The following IL1RAPL2 variants were observed in gnomAD, a reference collection of about 807,000 sequenced individuals.
The protein encoded by IL1RAPL2 is interleukin 1 receptor accessory protein like 2.
Under a neutral mutation model 44.1 loss-of-function variants are expected in IL1RAPL2, and 3 were observed. The ratio of observed to expected loss-of-function variants is 0.07; its 90% CI spans 0.03 to 0.18. The LOEUF is 0.18. Among genes scored for constraint, IL1RAPL2 ranks in the 10% least tolerant of loss-of-function variants. The pLI, the probability that IL1RAPL2 is intolerant of heterozygous loss-of-function variation, is 1.00. For missense variants in IL1RAPL2, 391 were observed against 496.4 expected (o/e 0.79, Z 2.02); for synonymous variants, 181 against 178.8 (o/e 1.01, Z -0.10).
intron 2 of IL1RAPL2, among the ~76,000 whole-genome samples, chrX:104,904,611 G>C (rs1476423280): frequency 9.1e-6 from 1 of 109,497 alleles, no homozygotes; most frequent in African/African-American, 3.3e-5. Context: ...TTTCATCCAT[G>C]TCCCTACAAA....
chrX:104,904,203 C>T (rs994726727), intron 2 of IL1RAPL2, among the ~76,000 whole-genome samples: 1 of 106,125 alleles, frequency 9.4e-6, no homozygotes, highest in Non-Finnish European at 1.9e-5. Context: ...TCTGCTCTAA[C>T]ATGGAAAGTA....
intron 3 of IL1RAPL2, among the ~76,000 whole-genome samples, chrX:105,214,926 ACAATGTAC>A (rs1322702871): frequency 8.9e-6 from 1 of 112,431 alleles, no homozygotes; most frequent in African/African-American, 3.2e-5. Flanking sequence ...GAACAAAGAG[ACAATGTAC>A]CAGAATCTCT....
At chrX:105,252,772 A>G (rs1317327357) in intron 4 of IL1RAPL2, among the ~76,000 whole-genome samples, 1 of 111,626 alleles carries the variant, frequency 9.0e-6, no homozygotes, top group Non-Finnish European at 1.9e-5. Flanking sequence ...ATTGTGCCAA[A>G]TATGTTCATG....
intron 5 of IL1RAPL2, among the ~76,000 whole-genome samples, chrX:105,283,168 T>C (rs994165593): frequency 1.8e-5 from 2 of 111,808 alleles, no homozygotes; most frequent in East Asian, 2.8e-4. Flanking sequence ...TCTGGGTAAA[T>C]AGATAAACTA....
In IL1RAPL2 at chrX:105,299,824, C is replaced by T. The variant is rs370588671; in HGVS notation, c.697+32283C>T. On this transcript the variant is annotated intron_variant, in intron 5 of 10. Coordinates refer to ENST00000372582, the MANE Select transcript of IL1RAPL2 (RefSeq NM_017416.2). ...TCTAACTATATTTCTGTTTGGAACGCGGCATGCAATTCTTGTCAACCCTGT... is the reference window on the plus strand; with the variant it reads ...TCTAACTATATTTCTGTTTGGAACGTGGCATGCAATTCTTGTCAACCCTGT... Among the ~76,000 whole-genome samples the T allele has an allele frequency of 2.7e-4, 30 of 111,803 alleles. No individual in the cohort carries two copies. The East Asian group carries it at 4.8e-3, about 18-fold the overall frequency.
intron 6 of IL1RAPL2, among the ~76,000 whole-genome samples, chrX:105,665,745 T>TG (rs2037758917): frequency 3.3e-5 from 3 of 91,015 alleles, no homozygotes; most frequent in African/African-American, 1.5e-4. Flanking sequence ...TTTTTTTGTT[T>TG]TTTTTTTTTT....
chrX:104,872,294 A>G (rs1024609399), intron 2 of IL1RAPL2, among the ~76,000 whole-genome samples: 1 of 111,802 alleles, frequency 8.9e-6, no homozygotes, highest in African/African-American at 3.2e-5. Flanking sequence ...TGTTGGGAGC[A>G]TGAGCAGTTT....
In IL1RAPL2 at chrX:105,152,157, A is replaced by G. The variant is rs148267963; in HGVS notation, c.83-43318A>G. On this transcript the variant is annotated intron_variant, in intron 2 of 10. Transcript: ENST00000372582. Reference sequence around the variant, plus strand: ...CCCAATAACCTATGGAAAAATGGAAATAAGTAAACTATGGTATCACTATAA... The same window carrying G: ...CCCAATAACCTATGGAAAAATGGAAGTAAGTAAACTATGGTATCACTATAA... Among the ~76,000 whole-genome samples, 666 of 111,472 alleles carry G rather than the reference A, an allele frequency of 6.0e-3. 7 individuals are homozygous for G. The highest frequency in any genetic ancestry group is 0.02 in the African/African-American group (625 of 30,677).
chrX:104,996,395 A>G (rs2030748605), intron 2 of IL1RAPL2, among the ~76,000 whole-genome samples: 2 of 112,125 alleles, frequency 1.8e-5, no homozygotes, highest in South Asian at 3.7e-4. Context: ...TACAAACTTC[A>G]AGGAGAAAAT....
At chrX:105,516,685 T>C (rs1399938680) in intron 6 of IL1RAPL2, among the ~76,000 whole-genome samples, 1 of 111,308 alleles carries the variant, frequency 9.0e-6, no homozygotes, top group African/African-American at 3.3e-5. Flanking sequence ...CAAGAGTGAG[T>C]GGTGATATTT....
At chrX:105,034,746 G>A (rs2031590345) in intron 2 of IL1RAPL2, among the ~76,000 whole-genome samples, 1 of 112,188 alleles carries the variant, frequency 8.9e-6, no homozygotes, top group Non-Finnish European at 1.9e-5. Context: ...CATGCTGGGA[G>A]AACCACTACT....
At chrX:105,089,804 G>T (rs1167509558) in intron 2 of IL1RAPL2, among the ~76,000 whole-genome samples, 2 of 111,534 alleles carry the variant, frequency 1.8e-5, no homozygotes, top group Non-Finnish European at 1.9e-5. Context: ...TCTTGTCTAA[G>T]GTCCCACAGT....
intron 2 of IL1RAPL2, among the ~76,000 whole-genome samples, chrX:104,940,316 G>A (rs1925132933): frequency 9.0e-6 from 1 of 111,354 alleles, no homozygotes; most frequent in South Asian, 3.7e-4. Flanking sequence ...AATAATATGG[G>A]CTATATGTGG....
chrX:105,327,275 C>T (rs1348605060), intron 5 of IL1RAPL2, among the ~76,000 whole-genome samples: 1 of 111,607 alleles, frequency 9.0e-6, no homozygotes, highest in African/African-American at 3.3e-5. Flanking sequence ...AGTTACATTC[C>T]TTGTAGTTGG....
intron 6 of IL1RAPL2, among the ~76,000 whole-genome samples, chrX:105,692,091 C>G (rs2038039955): frequency 9.0e-6 from 1 of 111,554 alleles, no homozygotes; most frequent in South Asian, 3.7e-4. Flanking sequence ...AGATTCCATT[C>G]CTAATATGGT....
intron 2 of IL1RAPL2, among the ~76,000 whole-genome samples, chrX:104,682,939 T>G (rs1410641554): frequency 9.0e-6 from 1 of 111,597 alleles, no homozygotes; most frequent in African/African-American, 3.3e-5. Flanking sequence ...TTGAACCAAA[T>G]TCGAATGTGA....
At chrX:105,538,591 C>T (rs1301679213) in intron 6 of IL1RAPL2, among the ~76,000 whole-genome samples, 1 of 111,228 alleles carries the variant, frequency 9.0e-6, no homozygotes, top group Non-Finnish European at 1.9e-5. Context: ...TTCCATTTAC[C>T]CTTCAAACCT....
intron 2 of IL1RAPL2, among the ~76,000 whole-genome samples, chrX:105,081,221 C>A (rs1222549865): frequency 9.0e-6 from 1 of 110,944 alleles, no homozygotes; most frequent in African/African-American, 3.3e-5. Context: ...CTTTCTCTTA[C>A]CTGATTGACC....
intron 10 of IL1RAPL2, 77 bp from the exon 11 acceptor site, chrX:105,766,887 T>C (rs1361701695): frequency 1.5e-6 from 1 of 669,501 alleles, no homozygotes; most frequent in Non-Finnish European, 2.3e-6. Context: ...ATCTTTGCTA[T>C]ACTAGTGTGC....
Sources: gnomAD v4.1 joint callset for allele counts (sites outside exome capture counted in the v4.1 genomes callset) on GRCh38, gnomAD v4.1.1 for gene constraint, MANE v1.5 for transcripts, NCBI Gene and HGNC (gene_info 2026-07-23, HGNC 2026-07-21) for gene names.